Variants in KIAA1549L observed in about 807,000 individuals in gnomAD.
KIAA1549L encodes KIAA1549 like, also known as UPF0606 protein KIAA1549L.
In KIAA1549L, 88 loss-of-function variants were observed where a neutral mutation model predicts 160.7. The observed-to-expected ratio is 0.55, with a 90% CI of 0.46 to 0.65. The LOEUF (loss-of-function observed/expected upper bound fraction) is 0.65, where lower values mean the gene tolerates loss of function less well. Ranked by LOEUF, KIAA1549L falls within the 30% of genes least tolerant of loss-of-function variation. KIAA1549L has a pLI of 0.00. For synonymous variants in KIAA1549L, 950 were observed against 976.7 expected (o/e 0.97, Z 0.51); for missense variants, 2,258 against 2,437.5 (o/e 0.93, Z 1.55).
intron 15 of KIAA1549L, among the ~76,000 whole-genome samples, chr11:33,613,004 A>C (rs1428050390): frequency 6.6e-6 from 1 of 152,074 alleles, no homozygotes; most frequent in Non-Finnish European, 1.5e-5. Context: ...CCAGTCTGTC[A>C]TTTATGGGCA....
intron 9 of KIAA1549L, among the ~76,000 whole-genome samples, chr11:33,573,093 C>A (rs1187852268): frequency 6.6e-6 from 1 of 152,138 alleles, no homozygotes; most frequent in African/African-American, 2.4e-5. Context: ...AGTGTCTGAT[C>A]AGCTCTTTTG....
chr11:33,618,608 C>CTGG lies in KIAA1549L; in HGVS notation c.5355_5356insTGG (p.Asp1785_Leu1786insTrp), dbSNP rs1440634442. The CTGG allele has an allele frequency of 2.5e-6, 4 of 1,609,336 alleles. No individual in the cohort carries two copies. The highest frequency in any genetic ancestry group is 3.4e-6 in the Non-Finnish European group (4 of 1,177,328). On this transcript the variant is annotated inframe_insertion, in exon 16 of 21. Coordinates refer to ENST00000658780, the MANE Select transcript of KIAA1549L (RefSeq NM_012194.3). ...CGAGTCCAGGGGAAACCGAGATGGA[C>CTGG]CTTCTGGTGACTCGGGAGCGACCCC...
intron 7 of KIAA1549L, among the ~76,000 whole-genome samples, chr11:33,560,863 G>A (rs1235677525): frequency 1.3e-5 from 2 of 152,160 alleles, no homozygotes; most frequent in African/African-American, 4.8e-5. Context: ...TTAATGGCAA[G>A]CTTTTGTAAA....
chr11:33,568,280 G>T, intron 9 of KIAA1549L, 53 bp downstream of exon 9: 2 of 1,530,212 alleles, frequency 1.3e-6, no homozygotes, highest in Non-Finnish European at 8.9e-7. Context: ...GTAGAGGGGG[G>T]GATGTGCTTC....
Position 33,544,968 on chromosome 11 carries a change from G to C in KIAA1549L, c.2975G>C (p.Gly992Ala). The part of the protein sequence containing the change: ...AKNVTNKAAS[G>A]PKRTPGAVHT... Reference sequence around the variant, plus strand: ...AATGTCACAAACAAGGCCGCATCTGGCCCAAAGAGGACACCAGGGGCAGTC... The same window carrying C: ...AATGTCACAAACAAGGCCGCATCTGCCCCAAAGAGGACACCAGGGGCAGTC... The change falls in exon 3 of 21, where the codon GGC becomes GCC. Residue 992 changes from glycine to alanine, a missense_variant. Transcript: ENST00000658780. 6.2e-7 allele frequency: 1 copy of C among 1,613,912 alleles called. No homozygotes were observed. Among genetic ancestry groups the C allele is most frequent in the Non-Finnish European group, 8.5e-7 (1 of 1,179,862 alleles).
intron 1 of KIAA1549L, among the ~76,000 whole-genome samples, chr11:33,437,600 A>T (rs1410355388): frequency 6.6e-6 from 1 of 152,244 alleles, no homozygotes; most frequent in East Asian, 1.9e-4. Flanking sequence ...AGGATGAGAA[A>T]TGTTTGTCCA....
chr11:33,616,177 G>A (rs2133344719), intron 15 of KIAA1549L, among the ~76,000 whole-genome samples: 1 of 152,264 alleles, frequency 6.6e-6, no homozygotes, highest in South Asian at 2.1e-4. Context: ...GGATCCAGGG[G>A]TCAGATGATG....
rs532778510 is a variant in KIAA1549L at position 33,579,727 on chromosome 11, T to G, written c.4403-3611T>G. Among the ~76,000 whole-genome samples, 57 of 152,248 alleles carry G rather than the reference T, an allele frequency of 3.7e-4. 1 individual carries two copies. Among genetic ancestry groups the G allele is most frequent in the African/African-American group, 8.7e-4 (36 of 41,542 alleles). ...ACTTGAGGATTCTGTAGATAGAGAT[T>G]AGAATTAAAATCCTGGGGAAAATAT... On this transcript the variant is annotated intron_variant, in intron 10 of 20. Transcript: ENST00000658780.
At chr11:33,480,593 C>A (rs1852390751) in intron 1 of KIAA1549L, among the ~76,000 whole-genome samples, 1 of 152,114 alleles carries the variant, frequency 6.6e-6, no homozygotes, top group Non-Finnish European at 1.5e-5. Flanking sequence ...TGATTTGTAT[C>A]CCTAAGGTTG....
chr11:33,562,549 G>T (rs1854898972), intron 8 of KIAA1549L, among the ~76,000 whole-genome samples: 1 of 152,112 alleles, frequency 6.6e-6, no homozygotes, highest in Non-Finnish European at 1.5e-5. Flanking sequence ...TTTAGAGATG[G>T]TCATCTTCCC....
rs931671334 is a variant in KIAA1549L at position 33,652,975 on chromosome 11, A to G, written c.5761-3037A>G. 9.2e-5 allele frequency among the ~76,000 whole-genome samples: 14 copies of G among 152,236 alleles called. 1 individual carries two copies. Among genetic ancestry groups the G allele is most frequent in the African/African-American group, 3.4e-4 (14 of 41,468 alleles). On this transcript the variant is annotated intron_variant, in intron 17 of 20. Transcript: ENST00000658780. ...CGTTTGGAAGCTTGTGAGATAGGCC[A>G]GTGCCTTATTTCACAAGGAAAGCAA...
At chr11:33,649,198 G>T (rs1293945478) in intron 17 of KIAA1549L, among the ~76,000 whole-genome samples, 2 of 151,988 alleles carry the variant, frequency 1.3e-5, no homozygotes, top group Admixed American at 1.3e-4. Flanking sequence ...TCCAAACTTT[G>T]GAATATAATC....
At chr11:33,496,457 T>A (rs1355503303) in intron 1 of KIAA1549L, among the ~76,000 whole-genome samples, 1 of 152,246 alleles carries the variant, frequency 6.6e-6, no homozygotes, top group Non-Finnish European at 1.5e-5. Flanking sequence ...GCTGGTCTAG[T>A]GCACATCTTG....
chr11:33,551,062 A>T lies in KIAA1549L; in HGVS notation c.3524A>T (p.His1175Leu), dbSNP rs1854444371. The change falls in exon 5 of 21, where the codon CAT becomes CTT. Residue 1175 changes from histidine to leucine, a missense_variant. Physicochemically the swap from His to Leu is moderately conservative, Grantham distance 99 (BLOSUM62 -3). Transcript: ENST00000658780. ...SAHVDILEYS[H>L]NVTVGYYATK... is the part of the protein sequence containing the mutation. ...TAGGTGGACATTCTGGAATATTCTCATAATGTCACAGTTGGTTATTATGCT... is the reference window on the plus strand; with the variant it reads ...TAGGTGGACATTCTGGAATATTCTCTTAATGTCACAGTTGGTTATTATGCT... The T allele has an allele frequency of 1.2e-6, 2 of 1,613,794 alleles. No homozygotes were observed. The highest frequency in any genetic ancestry group is 1.7e-6 in the Non-Finnish European group (2 of 1,179,682).
chr11:33,585,755 C>G (rs951674871), intron 11 of KIAA1549L, among the ~76,000 whole-genome samples: 8 of 152,184 alleles, frequency 5.3e-5, no homozygotes, highest in Non-Finnish European at 1.2e-4. Flanking sequence ...CACATAGCTT[C>G]TGGCTGGAAG....
At chr11:33,537,328 A>T (rs1853916649) in intron 1 of KIAA1549L, among the ~76,000 whole-genome samples, 1 of 152,188 alleles carries the variant, frequency 6.6e-6, no homozygotes. Flanking sequence ...GCTGGTGTCC[A>T]TATCTCCCAT....
intron 19 of KIAA1549L, among the ~76,000 whole-genome samples, chr11:33,660,381 C>T (rs1021736258): frequency 1.5e-4 from 23 of 152,162 alleles, no homozygotes; most frequent in Admixed American, 3.9e-4. Context: ...TTCGAGACCA[C>T]GGTGAAACCC....
At chr11:33,572,591 G>A (rs1224923289) in intron 9 of KIAA1549L, among the ~76,000 whole-genome samples, 1 of 152,070 alleles carries the variant, frequency 6.6e-6, no homozygotes, top group African/African-American at 2.4e-5. Flanking sequence ...TTTTGACACA[G>A]TGTATTGTTT....
chr11:33,591,240 G>A lies in KIAA1549L; in HGVS notation c.4570G>A (p.Val1524Met). The A allele has an allele frequency of 6.2e-7, 1 of 1,609,994 alleles. No individual in the cohort carries two copies. Among genetic ancestry groups the A allele is most frequent in the South Asian group, 1.1e-5 (1 of 90,574 alleles). Residue 1524 changes from valine to methionine, a missense_variant, in exon 12 of 21, where the codon GTG (valine) becomes ATG (methionine). Transcript: ENST00000658780. The stretch of plus-strand genomic sequence containing the variant: ...CAAATCTGTTTCCTCTTTGCAGCCT[G>A]TGCAAGGCTTTGATTATGCCAAGCA... ...MINLPQRAKP[V>M]QGFDYAKQHL...
Sources: gnomAD v4.1 joint callset for allele counts (sites outside exome capture counted in the v4.1 genomes callset) on GRCh38, gnomAD v4.1.1 for gene constraint, MANE v1.5 for transcripts, NCBI Gene and HGNC (gene_info 2026-07-23, HGNC 2026-07-21) for gene names.